Variants in ZNF804A observed in about 807,000 individuals in gnomAD.
The protein encoded by ZNF804A is zinc finger protein 804A.
In ZNF804A, 2 loss-of-function variants were observed where a neutral mutation model predicts 16.5. That is an observed-to-expected ratio of 0.12 (90% CI 0.05 to 0.38). ZNF804A has a LOEUF of 0.38. Among genes scored for constraint, ZNF804A ranks in the 10% least tolerant of loss-of-function variants. ZNF804A has a pLI of 0.99. For synonymous variants in ZNF804A, 534 were observed against 489.6 expected (o/e 1.09, Z -1.20); for missense variants, 1,473 against 1,390.7 (o/e 1.06, Z -0.94).
chr2:184,636,684 CT>C (rs755286762), intron 1 of ZNF804A, among the ~76,000 whole-genome samples: 6 of 150,492 alleles, frequency 4.0e-5, no homozygotes, highest in South Asian at 2.1e-4. Flanking sequence ...GTCCTAGATC[CT>C]TTTTTTTGTC....
At chr2:184,924,578 T>C (rs758149238) in intron 2 of ZNF804A, among the ~76,000 whole-genome samples, 8 of 150,672 alleles carry the variant, frequency 5.3e-5, no homozygotes, top group Admixed American at 2.6e-4. Flanking sequence ...CTAATCTTTA[T>C]TTTTTTTTCT....
intron 1 of ZNF804A, among the ~76,000 whole-genome samples, chr2:184,761,193 G>A (rs975756855): frequency 6.6e-6 from 1 of 152,086 alleles, no homozygotes; most frequent in Non-Finnish European, 1.5e-5. Flanking sequence ...GATTTCTATA[G>A]AAATTTTGAC....
intron 1 of ZNF804A, among the ~76,000 whole-genome samples, chr2:184,660,518 G>A (rs898368230): frequency 1.3e-5 from 2 of 152,094 alleles, no homozygotes; most frequent in Non-Finnish European, 2.9e-5. Flanking sequence ...CTCTCCTCTT[G>A]TCTTCTGTGC....
At chr2:184,808,677 A>T (rs1472001880) in intron 1 of ZNF804A, among the ~76,000 whole-genome samples, 2 of 151,664 alleles carry the variant, frequency 1.3e-5, no homozygotes, top group African/African-American at 2.4e-5. Flanking sequence ...AAAACTTAAC[A>T]TTGAGTAATC....
chr2:184,658,649 A>C (rs1692119489), intron 1 of ZNF804A, among the ~76,000 whole-genome samples: 1 of 152,176 alleles, frequency 6.6e-6, no homozygotes, highest in African/African-American at 2.4e-5. Flanking sequence ...GTCTTGACCA[A>C]CTAACCTGAC....
At chr2:184,709,048 C>T (rs868400240) in intron 1 of ZNF804A, among the ~76,000 whole-genome samples, 8 of 152,270 alleles carry the variant, frequency 5.3e-5, no homozygotes, top group Admixed American at 1.3e-4. Flanking sequence ...CAAATCCAAA[C>T]GCCTCTGCAG....
intron 1 of ZNF804A, among the ~76,000 whole-genome samples, chr2:184,851,732 T>G (rs1695605930): frequency 6.6e-6 from 1 of 151,882 alleles, no homozygotes; most frequent in Non-Finnish European, 1.5e-5. Context: ...CATATGGTAG[T>G]TCTATTTTTT....
At chr2:184,686,636 T>G (rs1304580498) in intron 1 of ZNF804A, among the ~76,000 whole-genome samples, 1 of 152,216 alleles carries the variant, frequency 6.6e-6, no homozygotes, top group Non-Finnish European at 1.5e-5. Context: ...TTCCATGGTG[T>G]CTGAACTAAT....
chr2:184,919,478 C>A (rs962050670), intron 2 of ZNF804A, among the ~76,000 whole-genome samples: 1 of 152,172 alleles, frequency 6.6e-6, no homozygotes, highest in East Asian at 1.9e-4. Flanking sequence ...GGCAGTGACA[C>A]AGGCAGCCGG....
chr2:184,720,438 A>T (rs1693292477), intron 1 of ZNF804A, among the ~76,000 whole-genome samples: 1 of 152,126 alleles, frequency 6.6e-6, no homozygotes. Context: ...ACATACAAAA[A>T]CCAGTAATTT....
At chr2:184,614,268 T>C (rs999384123) in intron 1 of ZNF804A, among the ~76,000 whole-genome samples, 1 of 152,102 alleles carries the variant, frequency 6.6e-6, no homozygotes, top group Non-Finnish European at 1.5e-5. Context: ...TCTTACACCT[T>C]ATACAAAAAT....
At position 184,809,908 on chromosome 2, in the gene ZNF804A, A is replaced by G. The variant is rs140767089; in HGVS notation, c.112-56461A>G. ...TCCCAAATGCCATAGCAAAATATAA[A>G]CATTTTGATTTATGATAACTCTCAA... On this transcript the variant is annotated intron_variant, in intron 1 of 3. Transcript: ENST00000302277. Among the ~76,000 whole-genome samples the G allele has an allele frequency of 9.1e-3, 1,385 of 152,270 alleles. 23 individuals are homozygous for G. Among genetic ancestry groups the G allele is most frequent in the African/African-American group, 0.032 (1,323 of 41,568 alleles).
At chr2:184,877,645 A>G (rs899439134) in intron 2 of ZNF804A, among the ~76,000 whole-genome samples, 18 of 152,152 alleles carry the variant, frequency 1.2e-4, no homozygotes, top group African/African-American at 4.1e-4. Context: ...GAATAACCAG[A>G]GAAGTTTTTA....
intron 1 of ZNF804A, among the ~76,000 whole-genome samples, chr2:184,821,808 A>G (rs1047862308): frequency 1.3e-5 from 2 of 152,204 alleles, no homozygotes; most frequent in Non-Finnish European, 2.9e-5. Context: ...CAAACATGAA[A>G]AAAAGCACAA....
chr2:184,799,979 G>A (rs562321979), intron 1 of ZNF804A, among the ~76,000 whole-genome samples: 3 of 152,120 alleles, frequency 2.0e-5, no homozygotes, highest in South Asian at 2.1e-4. Context: ...TAATTATTAC[G>A]TATATGATCT....
intron 2 of ZNF804A, among the ~76,000 whole-genome samples, chr2:184,925,716 T>C (rs1222255008): frequency 6.6e-6 from 1 of 151,922 alleles, no homozygotes; most frequent in Non-Finnish European, 1.5e-5. Flanking sequence ...TAATTGTATA[T>C]TTTTAAATTT....
At chr2:184,666,369 T>G (rs1370959717) in intron 1 of ZNF804A, among the ~76,000 whole-genome samples, 1 of 152,082 alleles carries the variant, frequency 6.6e-6, no homozygotes, top group Admixed American at 6.6e-5. Flanking sequence ...ACAAAAAGTA[T>G]GTTACATCTA....
At chr2:184,635,324 A>G (rs1691678499) in intron 1 of ZNF804A, among the ~76,000 whole-genome samples, 1 of 152,174 alleles carries the variant, frequency 6.6e-6, no homozygotes, top group African/African-American at 2.4e-5. Flanking sequence ...CTCCACTTCA[A>G]GAATAAAGAG....
chr2:184,660,933 G>C (rs1692166924), intron 1 of ZNF804A, among the ~76,000 whole-genome samples: 1 of 152,168 alleles, frequency 6.6e-6, no homozygotes, highest in African/African-American at 2.4e-5. Flanking sequence ...TTAATATTGA[G>C]TATGTCAATA....
Sources: allele counts gnomAD v4.1 joint callset (sites outside exome capture counted in the v4.1 genomes callset), GRCh38; gene constraint gnomAD v4.1.1; transcripts MANE v1.5; gene names NCBI Gene and HGNC (gene_info 2026-07-23, HGNC 2026-07-21).